Variants in ADAMTSL1 observed in about 807,000 individuals in gnomAD.
The protein encoded by ADAMTSL1 is ADAMTS-like protein 1.
Under a neutral mutation model 201.8 loss-of-function variants are expected in ADAMTSL1, and 126 were observed. The observed-to-expected ratio is 0.62, with a 90% CI of 0.54 to 0.72. ADAMTSL1 has a LOEUF of 0.72. ADAMTSL1 is among the 30% of genes least tolerant of loss of function. The probability of loss-of-function intolerance (pLI) is 0.00; values close to 1 mark genes in which losing one functional copy is unlikely to be tolerated. For synonymous variants in ADAMTSL1, 1,121 were observed against 903.4 expected (o/e 1.24, Z -4.32); for missense variants, 2,679 against 2,277.8 (o/e 1.18, Z -3.59).
At chr9:18,721,408 A>G (rs544206711) in intron 14 of ADAMTSL1, 128 bp from the exon 15 acceptor site, 5 of 1,326,778 alleles carry the variant, frequency 3.8e-6, no homozygotes, top group Non-Finnish European at 5.2e-6. Flanking sequence ...TTAAACTGCC[A>G]TCTCTGACAT....
At chr9:17,972,462 T>C (rs201561507) in intron 1 of ADAMTSL1, among the ~76,000 whole-genome samples, 2 of 151,578 alleles carry the variant, frequency 1.3e-5, no homozygotes, top group Non-Finnish European at 2.9e-5. Context: ...TGGTTTCCAG[T>C]TTCATCCATG....
At chr9:18,528,198 T>C (rs1265345809) in intron 2 of ADAMTSL1, among the ~76,000 whole-genome samples, 2 of 152,128 alleles carry the variant, frequency 1.3e-5, no homozygotes, top group Non-Finnish European at 2.9e-5. Context: ...TTTTTATTTT[T>C]ATTTTATTTT....
chr9:17,990,789 G>A lies in ADAMTSL1; in HGVS notation c.87+83867G>A, dbSNP rs141380274. ...TGCTTTTGAAATTACATGTTACCCA[G>A]TGACTGATGATTGAATCATTCCTGT... is the stretch of plus-strand genomic sequence containing the variant. On this transcript the variant is annotated intron_variant, in intron 1 of 29. Transcript: ENST00000680146. Among the ~76,000 whole-genome samples the A allele has an allele frequency of 5.4e-3, 818 of 152,032 alleles. 6 individuals are homozygous for A. Among genetic ancestry groups the A allele is most frequent in the African/African-American group, 0.018 (760 of 41,470 alleles).
chr9:18,047,387 A>T (rs1438839602), intron 1 of ADAMTSL1, among the ~76,000 whole-genome samples: 1 of 152,172 alleles, frequency 6.6e-6, no homozygotes, highest in Admixed American at 6.5e-5. Context: ...TGGGTAAAGG[A>T]CAGGTATACT....
intron 2 of ADAMTSL1, among the ~76,000 whole-genome samples, chr9:18,222,644 C>CTT (rs66646766): frequency 1.7e-4 from 20 of 120,144 alleles, no homozygotes; most frequent in African/African-American, 2.8e-4. Flanking sequence ...CTCATATACT[C>CTT]TTTTTTTTTT....
Position 18,396,316 on chromosome 9 carries a change from A to C in ADAMTSL1, c.208-108513A>C, listed in dbSNP as rs1036485030. ...AGGGTGCCCCCTCCTGGACTTATTCAATATAAAAATTAGATTGTGACTTAG... is the reference window on the plus strand; with the variant it reads ...AGGGTGCCCCCTCCTGGACTTATTCCATATAAAAATTAGATTGTGACTTAG... On this transcript the variant is annotated intron_variant, in intron 2 of 29. Coordinates refer to the ADAMTSL1 transcript ENST00000680146. 2.2e-4 allele frequency among the ~76,000 whole-genome samples: 33 copies of C among 152,162 alleles called. 1 individual carries two copies. The highest frequency in any genetic ancestry group is 8.0e-4 in the African/African-American group (33 of 41,434).
chr9:18,490,140 C>T (rs1347148644), intron 1 of ADAMTSL1, among the ~76,000 whole-genome samples: 1 of 152,174 alleles, frequency 6.6e-6, no homozygotes, highest in African/African-American at 2.4e-5. Context: ...CTGCATGTGT[C>T]CTGGCACACT....
At chr9:18,474,479 G>A (rs148836787) in intron 1 of ADAMTSL1, among the ~76,000 whole-genome samples, 184 bp downstream of exon 1, 45 of 152,176 alleles carry the variant, frequency 3.0e-4, no homozygotes, top group Admixed American at 7.9e-4. Flanking sequence ...AACTTCCCAA[G>A]CAAGATAAAG....
chr9:18,331,050 T>G (rs1835008531), intron 2 of ADAMTSL1, among the ~76,000 whole-genome samples: 1 of 151,482 alleles, frequency 6.6e-6, no homozygotes, highest in Non-Finnish European at 1.5e-5. Context: ...ACGTGTAGGT[T>G]TTGGTGGAGG....
intron 1 of ADAMTSL1, among the ~76,000 whole-genome samples, chr9:18,502,106 A>T (rs1298673493): frequency 6.6e-6 from 1 of 152,258 alleles, no homozygotes; most frequent in Non-Finnish European, 1.5e-5. Flanking sequence ...AGGATTTGGC[A>T]TTCGAGTGTT....
chr9:18,471,900 A>G (rs1422564703), upstream of ADAMTSL1, among the ~76,000 whole-genome samples: 2 of 152,256 alleles, frequency 1.3e-5, no homozygotes, highest in East Asian at 3.8e-4. Flanking sequence ...AAAGCAGAAA[A>G]GAATCTAAAC....
At chr9:18,212,444 A>C (rs775582444) in intron 2 of ADAMTSL1, among the ~76,000 whole-genome samples, 2 of 152,256 alleles carry the variant, frequency 1.3e-5, no homozygotes, top group African/African-American at 4.8e-5. Flanking sequence ...GACCAAACAT[A>C]TAAATGAAAC....
At chr9:18,549,996 C>T (rs540525876) in intron 3 of ADAMTSL1, among the ~76,000 whole-genome samples, 27 of 152,052 alleles carry the variant, frequency 1.8e-4, no homozygotes, top group African/African-American at 5.8e-4. Flanking sequence ...TCAGATGGTC[C>T]TTCCTTTCCC....
At chr9:18,643,243 A>C (rs1480185489) in intron 7 of ADAMTSL1, among the ~76,000 whole-genome samples, 1 of 151,838 alleles carries the variant, frequency 6.6e-6, no homozygotes, top group Non-Finnish European at 1.5e-5. Context: ...GTCTATTCAG[A>C]TCCTTTGTTT....
chr9:18,200,704 G>A (rs1829407325), intron 2 of ADAMTSL1, among the ~76,000 whole-genome samples: 1 of 151,880 alleles, frequency 6.6e-6, no homozygotes, highest in South Asian at 2.1e-4. Context: ...CTGATTCAGA[G>A]CACTTTCCAA....
At chr9:18,071,924 C>T (rs1010872984) in intron 1 of ADAMTSL1, among the ~76,000 whole-genome samples, 2 of 152,204 alleles carry the variant, frequency 1.3e-5, no homozygotes, top group African/African-American at 4.8e-5. Flanking sequence ...TCCTCAGTTT[C>T]ATCTCCATTA....
rs555880444 is a variant in ADAMTSL1, at chr9:18,655,145, A to G, written c.835-2494A>G. 1.9e-3 allele frequency among the ~76,000 whole-genome samples: 290 copies of G among 152,348 alleles called. 1 individual carries two copies. Among genetic ancestry groups the G allele is most frequent in the Non-Finnish European group, 2.2e-3 (151 of 68,032 alleles). The stretch of plus-strand genomic sequence containing the variant: ...GTGAAAAAGGAAAAGATGCTTTAAC[A>G]GTGCTTTCTCTGGAAAAGCCTTTGT... On this transcript the variant is annotated intron_variant, in intron 7 of 28. Coordinates refer to ENST00000380548, the MANE Select transcript of ADAMTSL1 (RefSeq NM_001040272.6).
chr9:18,144,842 A>G (rs912987138), intron 1 of ADAMTSL1, among the ~76,000 whole-genome samples: 10 of 152,174 alleles, frequency 6.6e-5, no homozygotes, highest in African/African-American at 2.4e-4. Context: ...CTGGCCGAGG[A>G]TAACACTCTG....
chr9:18,318,676 C>G lies in ADAMTSL1; in HGVS notation c.207+154695C>G, dbSNP rs749032853. Among the ~76,000 whole-genome samples, 10 of 152,144 alleles carry G rather than the reference C, an allele frequency of 6.6e-5. No individual in the cohort carries two copies. The South Asian group carries it at 1.5e-3, about 22-fold the overall frequency. On this transcript the variant is annotated intron_variant, in intron 2 of 29. Coordinates refer to the ADAMTSL1 transcript ENST00000680146. ...AGCTGATATGATTGGAAAAAGTACC[C>G]CAGAGATTCTGATGTCTCCTCTAGA...
Sources: gnomAD v4.1 joint callset for allele counts (sites outside exome capture counted in the v4.1 genomes callset) on GRCh38, gnomAD v4.1.1 for gene constraint, MANE v1.5 for transcripts, NCBI Gene and HGNC (gene_info 2026-07-23, HGNC 2026-07-21) for gene names.